The following CWC22 variants were observed in gnomAD, a reference collection of about 807,000 sequenced individuals.
CWC22 encodes the protein pre-mRNA-splicing factor CWC22 homolog.
Under a neutral mutation model 117.2 loss-of-function variants are expected in CWC22, and 53 were observed. The ratio of observed to expected loss-of-function variants is 0.45; its 90% CI spans 0.36 to 0.57. The LOEUF is 0.57. CWC22 is among the 20% of genes least tolerant of loss of function. The pLI, the probability that CWC22 is intolerant of heterozygous loss-of-function variation, is 0.00. For synonymous variants in CWC22, 360 were observed against 355.6 expected, an observed-to-expected ratio of 1.01 and a Z score of -0.14; for missense variants, 980 against 1,068.8, an observed-to-expected ratio of 0.92 and a Z score of 1.16.
chr2:179,968,981 G>C (rs576424036), intron 11 of CWC22, among the ~76,000 whole-genome samples: 114 of 152,056 alleles, frequency 7.5e-4, no homozygotes, highest in Non-Finnish European at 1.4e-3. Flanking sequence ...CTTTAATATA[G>C]TAAATAGCAA....
At chr2:179,989,403 T>G (rs1575655936) in intron 2 of CWC22, among the ~76,000 whole-genome samples, 1 of 152,000 alleles carries the variant, frequency 6.6e-6, no homozygotes, top group African/African-American at 2.4e-5. Context: ...ACCTCCTATC[T>G]CCTTTGGCTT....
chr2:179,992,990 T>C (rs1196625469), intron 2 of CWC22, among the ~76,000 whole-genome samples: 2 of 141,096 alleles, frequency 1.4e-5, no homozygotes, highest in Non-Finnish European at 3.1e-5. Context: ...CCCTGACGCA[T>C]GCATCCATGT....
Position 179,964,580 on chromosome 2 carries a change from A to T in CWC22, c.1364T>A (p.Phe455Tyr). ...HDKTEINLVS[F>Y]RRTIYLAIQS... is the part of the protein sequence containing the mutation. ...AATAGCAAGATAAATTGTACGACGA[A>T]ATGAGACCAGGTTAATTTCTGTTTT... Residue 455 changes from phenylalanine (F) to tyrosine (Y), a missense_variant, in exon 13 of 20, where the codon TTT becomes TAT. By Grantham distance (22) the Phe-to-Tyr change is conservative. Around this residue, in one of 3 missense-constraint regions of CWC22, gnomAD observed 559 missense variants for 602.3 expected, o/e 0.93. Coordinates refer to ENST00000410053, the MANE Select transcript of CWC22 (RefSeq NM_020943.3). 2 of 1,571,216 alleles carry T rather than the reference A, an allele frequency of 1.3e-6. No homozygotes were observed. The highest frequency in any genetic ancestry group is 1.7e-6 in the Non-Finnish European group (2 of 1,155,032).
intron 1 of CWC22, among the ~76,000 whole-genome samples, chr2:179,998,968 A>G (rs1687778945): frequency 6.6e-6 from 1 of 152,138 alleles, no homozygotes; most frequent in South Asian, 2.1e-4. Context: ...TTCAATTTAC[A>G]TATTTCAATT....
At chr2:179,986,548 T>G (rs1166388108) in intron 4 of CWC22, 147 bp downstream of exon 4, 1 of 497,700 alleles carries the variant, frequency 2.0e-6, no homozygotes, top group African/African-American at 2.0e-5. Flanking sequence ...AGAAGTTAAT[T>G]CATATAAAGC....
intron 2 of CWC22, among the ~76,000 whole-genome samples, chr2:179,992,533 T>C (rs1032810242): frequency 1.6e-4 from 24 of 152,150 alleles, no homozygotes; most frequent in African/African-American, 5.8e-4. Flanking sequence ...CAATGTTGAA[T>C]CCCCCTACCC....
chr2:179,959,153 CT>C, intron 13 of CWC22, 71 bp from the exon 14 acceptor site: 1 of 898,300 alleles, frequency 1.1e-6, no homozygotes, highest in Non-Finnish European at 1.7e-6. Context: ...AAGAATCTTA[CT>C]TTAATAATGG....
chr2:179,973,880 A>G, intron 6 of CWC22, 78 bp from the exon 7 acceptor site: 2 of 738,954 alleles, frequency 2.7e-6, no homozygotes, highest in Non-Finnish European at 4.1e-6. Context: ...ATTAAAATTC[A>G]GTAATATTTC....
At chr2:179,981,588 G>A (rs1687289254) in intron 5 of CWC22, among the ~76,000 whole-genome samples, 164 bp downstream of exon 5, 1 of 152,194 alleles carries the variant, frequency 6.6e-6, no homozygotes, top group African/African-American at 2.4e-5. Context: ...GGCACGTAGT[G>A]TGTGGCTCTC....
chr2:179,962,619 G>A (rs1313384152), intron 13 of CWC22, among the ~76,000 whole-genome samples: 1 of 151,630 alleles, frequency 6.6e-6, no homozygotes, highest in African/African-American at 2.4e-5. Context: ...GATTATTTGT[G>A]GTAGAAAATA....
At chr2:179,983,564 T>C (rs35037638) in intron 4 of CWC22, among the ~76,000 whole-genome samples, 22,381 of 152,072 alleles carry the variant, frequency 0.15, 2,014 homozygotes, top group Admixed American at 0.29. Context: ...AATAGTGCTG[T>C]GATAAATATA....
rs768334977 is a variant in CWC22 at position 179,955,053 on chromosome 2, A to T, written c.1459-19T>A. On this transcript the variant is annotated intron_variant, in intron 14 of 19. Coordinates refer to ENST00000410053, the MANE Select transcript of CWC22 (RefSeq NM_020943.3). Reference sequence around the variant, plus strand: ...GTTCTTTCTATTTGGGAAAAAAAATACATTAATGATTCAAAACACAAAGAG... The same window carrying T: ...GTTCTTTCTATTTGGGAAAAAAAATTCATTAATGATTCAAAACACAAAGAG... The T allele has an allele frequency of 6.6e-7, 1 of 1,508,482 alleles. No homozygotes were observed. The highest frequency in any genetic ancestry group is 9.1e-7 in the Non-Finnish European group (1 of 1,097,184). The allele number at this position is 1,508,482 out of a possible 1,614,324, so 93.4% of individuals were successfully genotyped here. A position where few individuals can be genotyped will look rare whatever the true frequency, so the allele number is the denominator to read the frequency against.
chr2:179,972,671 A>G (rs1687061028), intron 8 of CWC22, among the ~76,000 whole-genome samples: 1 of 152,198 alleles, frequency 6.6e-6, no homozygotes, highest in Admixed American at 6.5e-5. Flanking sequence ...AATTTGATAA[A>G]TATCTAAAGT....
At chr2:180,003,575 G>T (rs1687897215) in intron 1 of CWC22, among the ~76,000 whole-genome samples, 1 of 152,210 alleles carries the variant, frequency 6.6e-6, no homozygotes, top group African/African-American at 2.4e-5. Context: ...CCTCCACAGA[G>T]AAATTTAGCC....
rs184391439 is a variant in CWC22, at chr2:179,954,889, C to T, written c.1536+68G>A. 3.3e-4 allele frequency: 314 copies of T among 955,022 alleles called. No individual in the cohort carries two copies. In the African/African-American group the frequency reaches 4.1e-3, roughly 13 times the overall value. 59.2% of individuals were successfully genotyped at this position (955,022 alleles called of 1,614,324 possible). On this transcript the variant is annotated intron_variant, in intron 15 of 19. Transcript: ENST00000410053. ...AATATGTTTTTAAATGAGACCAGACCATAAAGCAGAAATCATTAATTTACA... is the reference window on the plus strand; with the variant it reads ...AATATGTTTTTAAATGAGACCAGACTATAAAGCAGAAATCATTAATTTACA...
intron 13 of CWC22, among the ~76,000 whole-genome samples, 183 bp from the exon 14 acceptor site, chr2:179,959,265 A>G (rs1274719675): frequency 6.6e-6 from 1 of 152,200 alleles, no homozygotes; most frequent in Admixed American, 6.5e-5. Flanking sequence ...TACATACAAC[A>G]TGGATGAATC....
intron 11 of CWC22, among the ~76,000 whole-genome samples, chr2:179,966,660 T>G (rs993359061): frequency 1.3e-5 from 2 of 152,190 alleles, no homozygotes; most frequent in African/African-American, 4.8e-5. Flanking sequence ...TAGTGATGTA[T>G]ATGAGACTAC....
chr2:179,988,941 T>C (rs2105550041), intron 2 of CWC22, among the ~76,000 whole-genome samples: 1 of 151,724 alleles, frequency 6.6e-6, no homozygotes, highest in South Asian at 2.1e-4. Context: ...ATTTCAATAG[T>C]TTTATGTGGA....
At chr2:179,980,682 C>G (rs1687264799) in intron 5 of CWC22, among the ~76,000 whole-genome samples, 2 of 152,116 alleles carry the variant, frequency 1.3e-5, no homozygotes, top group Admixed American at 1.3e-4. Flanking sequence ...GTTTCTACTT[C>G]AAGCTAATCC....
Sources: gnomAD v4.1 joint callset for allele counts (sites outside exome capture counted in the v4.1 genomes callset) on GRCh38, gnomAD v4.1.1 for gene constraint, gnomAD v4.1.1 regional missense constraint, MANE v1.5 for transcripts, NCBI Gene and HGNC (gene_info 2026-07-23, HGNC 2026-07-21) for gene names.